Variants in UNC13C observed in about 807,000 individuals in gnomAD.
UNC13C encodes unc-13 homolog C, also known as protein unc-13 homolog C.
Under a neutral mutation model 245.4 loss-of-function variants are expected in UNC13C, and 174 were observed. That is an observed-to-expected ratio of 0.71 (90% CI 0.63 to 0.80). The LOEUF (loss-of-function observed/expected upper bound fraction) is 0.80, where lower values mean the gene tolerates loss of function less well. UNC13C is among the 30% of genes least tolerant of loss of function. The pLI, the probability that UNC13C is intolerant of heterozygous loss-of-function variation, is 0.00. For missense variants in UNC13C, 2,829 were observed against 2,602.9 expected, an observed-to-expected ratio of 1.09 and a Z score of -1.89; for synonymous variants, 992 against 895.1, an observed-to-expected ratio of 1.11 and a Z score of -1.93.
intron 4 of UNC13C, among the ~76,000 whole-genome samples, chr15:54,163,257 G>C (rs2033043149): frequency 6.6e-6 from 1 of 152,096 alleles, no homozygotes; most frequent in Admixed American, 6.5e-5. Context: ...GATACACAAA[G>C]GGGCTACTAG....
chr15:54,065,286 G>C (rs1898024945), intron 2 of UNC13C, among the ~76,000 whole-genome samples: 1 of 152,138 alleles, frequency 6.6e-6, no homozygotes, highest in Non-Finnish European at 1.5e-5. Context: ...TTTCCTTTGA[G>C]TTGCCAACAG....
intron 2 of UNC13C, among the ~76,000 whole-genome samples, chr15:54,108,406 C>A (rs1477105568): frequency 6.6e-6 from 1 of 152,144 alleles, no homozygotes; most frequent in East Asian, 1.9e-4. Flanking sequence ...CCAGGATGGT[C>A]TCAGTCTCCT....
chr15:54,147,702 A>AT (rs2141245007), intron 4 of UNC13C, among the ~76,000 whole-genome samples: 1 of 32,378 alleles, frequency 3.1e-5, no homozygotes, highest in African/African-American at 5.6e-5. Flanking sequence ...AAGCATCACA[A>AT]GGGGTGTGTG....
At chr15:53,989,283 T>G (rs1849823336) in intron 1 of UNC13C, among the ~76,000 whole-genome samples, 1 of 151,402 alleles carries the variant, frequency 6.6e-6, no homozygotes, top group South Asian at 2.1e-4. Flanking sequence ...TCAATTACAG[T>G]CCTGGAAAGC....
At chr15:54,557,118 C>T (rs992621101) in intron 29 of UNC13C, among the ~76,000 whole-genome samples, 15 of 151,964 alleles carry the variant, frequency 9.9e-5, no homozygotes, top group African/African-American at 3.1e-4. Context: ...CACCAGACAC[C>T]GGCCTTGTTC....
At chr15:54,035,174 C>T (rs1384786427) in intron 2 of UNC13C, among the ~76,000 whole-genome samples, 2 of 151,902 alleles carry the variant, frequency 1.3e-5, no homozygotes, top group African/African-American at 2.4e-5. Flanking sequence ...CTAAAGGGGC[C>T]TTGTTAAAAA....
chr15:53,970,662 C>T, the UNC13C span, among the ~76,000 whole-genome samples: 6 of 152,050 alleles, frequency 3.9e-5, no homozygotes, highest in African/African-American at 1.4e-4. Flanking sequence ...GGAAACAACA[C>T]ACACTGGGTC....
chr15:54,525,221 C>G (rs1520409), intron 24 of UNC13C, among the ~76,000 whole-genome samples: 1 of 152,038 alleles, frequency 6.6e-6, no homozygotes, highest in Non-Finnish European at 1.5e-5. Flanking sequence ...AACAGGTTTT[C>G]TAAATTACGG....
intron 10 of UNC13C, among the ~76,000 whole-genome samples, chr15:54,280,276 A>G (rs1048636510): frequency 6.6e-6 from 1 of 152,030 alleles, no homozygotes; most frequent in East Asian, 1.9e-4. Context: ...GAAATACAAT[A>G]TACTTATTAA....
chr15:54,584,848 G>A lies in UNC13C; in HGVS notation c.6106+16901G>A, dbSNP rs529209040. 1.6e-4 allele frequency among the ~76,000 whole-genome samples: 25 copies of A among 152,336 alleles called. No individual in the cohort carries two copies. In the East Asian group the frequency reaches 4.8e-3, roughly 29 times the overall value. On this transcript the variant is annotated intron_variant, in intron 30 of 32. Transcript: ENST00000260323. ...TTAGGTGACGGGTGAGACTTATATA[G>A]AGAGTAAGTGGTGGAACTGGATTCA...
At chr15:54,204,023 C>G (rs573173780) in intron 4 of UNC13C, among the ~76,000 whole-genome samples, 2 of 151,464 alleles carry the variant, frequency 1.3e-5, no homozygotes, top group Admixed American at 1.3e-4. Flanking sequence ...GAGACTATTA[C>G]TCTAAGTGAA....
chr15:53,852,207 G>C, the UNC13C span, among the ~76,000 whole-genome samples: 1 of 152,166 alleles, frequency 6.6e-6, no homozygotes, highest in Non-Finnish European at 1.5e-5. Context: ...GTTGGGGTCT[G>C]ACGCTTGGTG....
chr15:54,593,385 A>T (rs1239115852), intron 30 of UNC13C, among the ~76,000 whole-genome samples: 1 of 152,114 alleles, frequency 6.6e-6, no homozygotes, highest in Non-Finnish European at 1.5e-5. Flanking sequence ...GTTTTCCTCG[A>T]TTATTTCTCC....
At chr15:54,389,950 A>G (rs1162866557) in intron 17 of UNC13C, among the ~76,000 whole-genome samples, 4 of 152,084 alleles carry the variant, frequency 2.6e-5, no homozygotes, top group Non-Finnish European at 2.9e-5. Flanking sequence ...GCTGCTCTCC[A>G]ACTCCTGACT....
At chr15:53,944,858 T>C in the UNC13C span, among the ~76,000 whole-genome samples, 59,076 of 152,044 alleles carry the variant, frequency 0.39, 12,143 homozygotes, top group African/African-American at 0.52. Context: ...CTTTTGATGG[T>C]TGAATTAAGT....
chr15:53,841,819 A>C, the UNC13C span, among the ~76,000 whole-genome samples: 4 of 152,180 alleles, frequency 2.6e-5, no homozygotes, highest in African/African-American at 9.6e-5. Flanking sequence ...ATTAATTTTC[A>C]GGACAAAATT....
intron 13 of UNC13C, among the ~76,000 whole-genome samples, chr15:54,320,400 A>G (rs1747362293): frequency 6.6e-6 from 1 of 151,818 alleles, no homozygotes; most frequent in Non-Finnish European, 1.5e-5. Context: ...TTTTTTTTAA[A>G]GACACATTTA....
At chr15:54,290,748 A>C (rs143169386) in intron 10 of UNC13C, among the ~76,000 whole-genome samples, 89 of 152,184 alleles carry the variant, frequency 5.8e-4, no homozygotes, top group East Asian at 3.1e-3. Context: ...GCTCAAAAAA[A>C]TTTGCCTCAA....
the UNC13C span, among the ~76,000 whole-genome samples, chr15:53,878,830 C>G: frequency 3.9e-5 from 6 of 152,154 alleles, no homozygotes; most frequent in Non-Finnish European, 8.8e-5. Context: ...GGTCTTTGCT[C>G]ATGGAACCAA....
Sources: gnomAD v4.1 joint callset for allele counts (sites outside exome capture counted in the v4.1 genomes callset) on GRCh38, gnomAD v4.1.1 for gene constraint, MANE v1.5 for transcripts, NCBI Gene and HGNC (gene_info 2026-07-23, HGNC 2026-07-21) for gene names.